Variants in STRN observed in about 807,000 individuals in gnomAD.
The protein encoded by STRN is striatin, also known as protein phosphatase 2 regulatory subunit B'''alpha.
STRN carries 53 observed loss-of-function variants against 96.3 expected under a neutral mutation model. The observed-to-expected ratio is 0.55, with a 90% CI of 0.44 to 0.69. STRN has a LOEUF of 0.69. STRN is among the 30% of genes least tolerant of loss of function. STRN has a pLI of 0.00. For synonymous variants in STRN, 428 were observed against 355.9 expected (o/e 1.20, Z -2.28); for missense variants, 987 against 963.9 (o/e 1.02, Z -0.32).
At chr2:36,881,283 A>AT (rs1669062450) in intron 9 of STRN, among the ~76,000 whole-genome samples, 2 of 152,008 alleles carry the variant, frequency 1.3e-5, no homozygotes, top group African/African-American at 2.4e-5. Context: ...ACACGCCACC[A>AT]TGTCCAGCTA....
chr2:36,945,032 A>G (rs919766220), intron 1 of STRN, among the ~76,000 whole-genome samples: 1 of 152,218 alleles, frequency 6.6e-6, no homozygotes, highest in Non-Finnish European at 1.5e-5. Context: ...ACAAACCAGC[A>G]ATTCCAATAT....
chr2:36,855,869 AT>A (rs1453145942), intron 14 of STRN, among the ~76,000 whole-genome samples: 1 of 152,210 alleles, frequency 6.6e-6, no homozygotes, highest in African/African-American at 2.4e-5. Flanking sequence ...TACAGAAGGT[AT>A]TTTTATTTAC....
At chr2:36,952,209 T>C (rs2148269719) in intron 1 of STRN, among the ~76,000 whole-genome samples, 1 of 152,336 alleles carries the variant, frequency 6.6e-6, no homozygotes, top group Non-Finnish European at 1.5e-5. Flanking sequence ...ACAAATTTTT[T>C]AAGATACCAT....
At chr2:36,946,530 C>A (rs1670988764) in intron 1 of STRN, among the ~76,000 whole-genome samples, 1 of 152,058 alleles carries the variant, frequency 6.6e-6, no homozygotes, top group African/African-American at 2.4e-5. Flanking sequence ...CCAATTATTA[C>A]CAAGGTAAGC....
At chr2:36,900,659 G>A (rs1266487220) in intron 5 of STRN, among the ~76,000 whole-genome samples, 1 of 152,156 alleles carries the variant, frequency 6.6e-6, no homozygotes, top group Non-Finnish European at 1.5e-5. Flanking sequence ...GGGAGGCTGA[G>A]GCAGGCGGAT....
chr2:36,838,810 A>G lies in STRN; in HGVS notation c.*10646T>C, dbSNP rs946009390. On this transcript the variant is annotated 3_prime_UTR_variant, in exon 18 of 18. Coordinates refer to ENST00000263918, the MANE Select transcript of STRN (RefSeq NM_003162.4). ...TAATAAAAAGGAAATAAGAGCTATG[A>G]TAGACTTAGAGAAATTCTCATCCTA... Among the ~76,000 whole-genome samples, 9 of 152,218 alleles carry G rather than the reference A, an allele frequency of 5.9e-5. No homozygotes were observed. Among genetic ancestry groups the G allele is most frequent in the Non-Finnish European group, 1.2e-4 (8 of 68,026 alleles).
rs770907565 is a variant in STRN at position 36,857,883 on chromosome 2, C to A, written c.1810G>T (p.Ala604Ser). The change falls in exon 14 of 18, where the codon GCA (alanine) becomes TCA (serine). Residue 604 changes from alanine to serine, a missense_variant. Physicochemically the swap from Ala to Ser is moderately conservative, Grantham distance 99. Coordinates refer to ENST00000263918, the MANE Select transcript of STRN (RefSeq NM_003162.4). ...TTAGTATCATTAAATACACTTAGTGCTGGAGCAACCTCAGTTGTATTCCAT... is the reference window on the plus strand; with the variant it reads ...TTAGTATCATTAAATACACTTAGTGATGGAGCAACCTCAGTTGTATTCCAT... ...RLWNTTEVAP[A>S]LSVFNDTKEL... The A allele has an allele frequency of 8.7e-6, 14 of 1,613,912 alleles. No individual in the cohort carries two copies. The highest frequency in any genetic ancestry group is 7.6e-6 in the Non-Finnish European group (9 of 1,179,968).
At chr2:36,948,535 A>G (rs1558665740) in intron 1 of STRN, among the ~76,000 whole-genome samples, 1 of 152,192 alleles carries the variant, frequency 6.6e-6, no homozygotes, top group Non-Finnish European at 1.5e-5. Flanking sequence ...CATTAACAAC[A>G]TATACCGTGA....
chr2:36,955,387 G>A (rs563978724), intron 1 of STRN, among the ~76,000 whole-genome samples: 16 of 152,324 alleles, frequency 1.1e-4, no homozygotes, highest in Non-Finnish European at 1.0e-4. Context: ...AGAGGGAGGA[G>A]GGCAGTGCAC....
intron 6 of STRN, among the ~76,000 whole-genome samples, chr2:36,898,094 T>C (rs1669591615): frequency 6.6e-6 from 1 of 152,224 alleles, no homozygotes; most frequent in Non-Finnish European, 1.5e-5. Flanking sequence ...TAAGATCATA[T>C]GTAACAGTTT....
At chr2:36,966,152 A>AG in intron 1 of STRN, 78 bp downstream of exon 1, 1 of 1,103,808 alleles carries the variant, frequency 9.1e-7, no homozygotes, top group African/African-American at 4.2e-5. Context: ...AGGCTGGGGG[A>AG]GGGGGAGAAG....
chr2:36,906,877 T>C (rs773556157), intron 3 of STRN, among the ~76,000 whole-genome samples: 15 of 151,880 alleles, frequency 9.9e-5, no homozygotes, highest in Middle Eastern at 6.8e-3. Context: ...GCCGAGATGA[T>C]TGCGCCATTG....
chr2:36,858,925 G>A (rs1044427171), intron 13 of STRN, among the ~76,000 whole-genome samples: 1 of 152,168 alleles, frequency 6.6e-6, no homozygotes, highest in African/African-American at 2.4e-5. Context: ...TGAGAACTTG[G>A]AGAGTGAAAC....
At position 36,845,917 on chromosome 2, in the gene STRN, A is replaced by G. The variant is rs1169504342; in HGVS notation, c.*3539T>C. Reference sequence around the variant, plus strand: ...CACACACACACACACGCATGCATGCACACACACACACACACACACACACAC... The same window carrying G: ...CACACACACACACACGCATGCATGCGCACACACACACACACACACACACAC... On this transcript the variant is annotated 3_prime_UTR_variant, in exon 18 of 18. Coordinates refer to ENST00000263918, the MANE Select transcript of STRN (RefSeq NM_003162.4). The G allele has an allele frequency of 4.3e-4, 6 of 13,822 alleles. No individual in the cohort carries two copies. The highest frequency in any genetic ancestry group is 1.5e-3 in the African/African-American group (6 of 3,992). The allele number at this position is 13,822 out of a possible 1,614,324, so 0.9% of individuals were successfully genotyped here. A position where few individuals can be genotyped will look rare whatever the true frequency, so the allele number is the denominator to read the frequency against.
Position 36,857,893 on chromosome 2 carries a change from C to T in STRN, c.1800G>A (p.Glu600=). 1 of 1,614,050 alleles carries T rather than the reference C, an allele frequency of 6.2e-7. No homozygotes were observed. Residue 600 remains glutamate (E), a synonymous_variant, in exon 14 of 18, where the codon GAG becomes GAA. Coordinates refer to ENST00000263918, the MANE Select transcript of STRN (RefSeq NM_003162.4). The part of the protein sequence containing the change: ...DGTLRLWNTT[E]VAPALSVFND... The stretch of plus-strand genomic sequence containing the variant: ...TAAATACACTTAGTGCTGGAGCAAC[C>T]TCAGTTGTATTCCATAAACGCAGAG...
intron 1 of STRN, among the ~76,000 whole-genome samples, chr2:36,926,951 T>C (rs760708864): frequency 2.0e-5 from 3 of 152,204 alleles, no homozygotes; most frequent in African/African-American, 7.2e-5. Flanking sequence ...CAAATGTTTG[T>C]CTATGCCAAA....
At chr2:36,860,677 GC>G (rs1325529148) in intron 13 of STRN, among the ~76,000 whole-genome samples, 1 of 152,094 alleles carries the variant, frequency 6.6e-6, no homozygotes, top group Non-Finnish European at 1.5e-5. Flanking sequence ...AACTTCTGAG[GC>G]CTTTTACATA....
intron 1 of STRN, among the ~76,000 whole-genome samples, chr2:36,938,594 T>C (rs1055629114): frequency 1.3e-5 from 2 of 152,224 alleles, no homozygotes; most frequent in East Asian, 1.9e-4. Flanking sequence ...TATTTGCATG[T>C]ATTTTCATAA....
chr2:36,858,878 T>A (rs1445265725), intron 13 of STRN, among the ~76,000 whole-genome samples: 1 of 152,204 alleles, frequency 6.6e-6, no homozygotes, highest in African/African-American at 2.4e-5. Context: ...ACAATAATTG[T>A]GACAGACATC....
Sources: allele counts gnomAD v4.1 joint callset (sites outside exome capture counted in the v4.1 genomes callset), GRCh38; gene constraint gnomAD v4.1.1; transcripts MANE v1.5; gene names NCBI Gene and HGNC (gene_info 2026-07-23, HGNC 2026-07-21).